The following ZNF185 variants were observed in gnomAD, a reference collection of about 807,000 sequenced individuals.
ZNF185 encodes the protein zinc finger protein 185.
In ZNF185, 56 loss-of-function variants were observed where a neutral mutation model predicts 58.6. The ratio of observed to expected loss-of-function variants is 0.95; its 90% CI spans 0.77 to 1.19. The LOEUF is 1.19. Ranked by LOEUF, ZNF185 falls within the 50% of genes most tolerant of loss-of-function variation. ZNF185 has a pLI of 0.00. For missense variants in ZNF185, 627 were observed against 573.5 expected (o/e 1.09, Z -0.95); for synonymous variants, 230 against 215.9 (o/e 1.07, Z -0.57).
At chrX:152,922,674 A>C (rs782230210) in intron 10 of ZNF185, 46 bp from the exon 12 acceptor site, 1 of 1,108,159 alleles carries the variant, frequency 9.0e-7, no homozygotes, top group Non-Finnish European at 1.2e-6. Context: ...CCCAGGGAGG[A>C]GGCTCTGACA....
chrX:152,926,373 G>A (rs1603226771), intron 11 of ZNF185, among the ~76,000 whole-genome samples: 1 of 112,585 alleles, frequency 8.9e-6, no homozygotes. Context: ...AGTCATAGGC[G>A]TGCTGAGCTG....
At chrX:152,918,775 T>C (rs902333420) in intron 6 of ZNF185, among the ~76,000 whole-genome samples, 5 of 111,361 alleles carry the variant, frequency 4.5e-5, no homozygotes, top group African/African-American at 1.6e-4. Flanking sequence ...CATCCAGGGT[T>C]GGGGAGCTGC....
intron 17 of ZNF185, 127 bp from the exon 20 acceptor site, chrX:152,963,712 C>A: frequency 1.9e-6 from 1 of 522,929 alleles, no homozygotes. Flanking sequence ...GTGAGAAGTT[C>A]CATTTGTTGG....
chrX:152,941,350 G>T (rs1556889191), intron 15 of ZNF185, among the ~76,000 whole-genome samples: 1 of 112,330 alleles, frequency 8.9e-6, no homozygotes, highest in Non-Finnish European at 1.9e-5. Flanking sequence ...CTGGGATGCT[G>T]CCCCACATCC....
At chrX:152,905,820 G>C in the ZNF185 span, among the ~76,000 whole-genome samples, 1 of 105,109 alleles carries the variant, frequency 9.5e-6, no homozygotes, top group East Asian at 2.9e-4. Flanking sequence ...GAGGGGTGGA[G>C]GGACTCCCCT....
intron 14 of ZNF185, among the ~76,000 whole-genome samples, chrX:152,936,929 G>T (rs12556949): frequency 0.21 from 22,769 of 110,433 alleles, 1,869 homozygotes; most frequent in Non-Finnish European, 0.24. Context: ...CAGGAGCACA[G>T]GACCGGTGGC....
intron 15 of ZNF185, among the ~76,000 whole-genome samples, chrX:152,939,561 G>C (rs1324524009): frequency 1.8e-5 from 2 of 111,126 alleles, no homozygotes; most frequent in Non-Finnish European, 3.8e-5. Context: ...ACTTACAGCT[G>C]GTTAACATGG....
At chrX:152,935,149 T>C (rs782770350) in intron 14 of ZNF185, among the ~76,000 whole-genome samples, 1 of 111,264 alleles carries the variant, frequency 9.0e-6, no homozygotes, top group African/African-American at 3.3e-5. Flanking sequence ...CTGAAGTTGG[T>C]TGAATCCACA....
At chrX:152,936,354 G>T (rs1343137390) in intron 14 of ZNF185, 64 bp from the exon 16 acceptor site, 10 of 992,199 alleles carry the variant, frequency 1.0e-5, no homozygotes, top group Middle Eastern at 5.1e-4. Flanking sequence ...CCACTTTCTC[G>T]GGAGAGGGTA....
intron 15 of ZNF185, among the ~76,000 whole-genome samples, chrX:152,938,894 GGCGATCTCCTCTAAA>G (rs1476969206): frequency 3.6e-5 from 3 of 84,344 alleles, no homozygotes; most frequent in Non-Finnish European, 6.8e-5. Context: ...AGGCAACTCA[GGCGATCTCCTCTAAA>G]GAGGAGAAGG....
intron 14 of ZNF185, among the ~76,000 whole-genome samples, chrX:152,933,745 C>T (rs975569181): frequency 7.1e-5 from 8 of 112,586 alleles, no homozygotes; most frequent in South Asian, 3.6e-4. Flanking sequence ...GAGCTACAAC[C>T]GCAAGATATC....
intron 6 of ZNF185, 96 bp from the exon 8 acceptor site, chrX:152,918,887 G>A: frequency 1.6e-6 from 1 of 613,118 alleles, no homozygotes; most frequent in Non-Finnish European, 2.7e-6. Flanking sequence ...CAAAGGCAGA[G>A]ATATTGACTT....
chrX:152,963,993 C>G, intron 18 of ZNF185, 44 bp downstream of exon 20: 1 of 1,138,325 alleles, frequency 8.8e-7, no homozygotes, highest in Non-Finnish European at 1.2e-6. Context: ...TCCTCCGCCA[C>G]TTCCTCCTTG....
chrX:152,931,243 G>A (rs1941916354), intron 12 of ZNF185, among the ~76,000 whole-genome samples: 1 of 111,944 alleles, frequency 8.9e-6, no homozygotes, highest in African/African-American at 3.2e-5. Flanking sequence ...TTTGATAATT[G>A]GCCAATCTGT....
At chrX:152,943,688 C>T (rs1050878900) in intron 15 of ZNF185, among the ~76,000 whole-genome samples, 6 of 113,041 alleles carry the variant, frequency 5.3e-5, no homozygotes, top group African/African-American at 1.9e-4. Context: ...CCATTTGTCC[C>T]TGTGTCACAA....
intron 16 of ZNF185, among the ~76,000 whole-genome samples, chrX:152,950,280 G>C (rs2048174277): frequency 8.9e-6 from 1 of 112,146 alleles, no homozygotes; most frequent in Non-Finnish European, 1.9e-5. Context: ...ATAACCATGA[G>C]ATTTGGGTGC....
chrX:152,941,694 C>A (rs949100722), intron 15 of ZNF185: 20 of 1,163,742 alleles, frequency 1.7e-5, no homozygotes, highest in Non-Finnish European at 2.3e-5. Flanking sequence ...AAAATGCGAC[C>A]GTCCACAAAG....
intron 10 of ZNF185, 116 bp from the exon 12 acceptor site, chrX:152,922,604 G>A: frequency 2.8e-6 from 2 of 707,665 alleles, no homozygotes; most frequent in South Asian, 2.8e-5. Context: ...CACCATGGCA[G>A]TAGCATGCCA....
chrX:152,953,030 C>T (rs1556901419), intron 16 of ZNF185, among the ~76,000 whole-genome samples: 1 of 110,059 alleles, frequency 9.1e-6, no homozygotes, highest in Non-Finnish European at 1.9e-5. Flanking sequence ...AAGTTCTGCA[C>T]ACAGTCGTCA....
Sources: allele counts gnomAD v4.1 joint callset (sites outside exome capture counted in the v4.1 genomes callset), GRCh38; gene constraint gnomAD v4.1.1; transcripts MANE v1.5; gene names NCBI Gene and HGNC (gene_info 2026-07-23, HGNC 2026-07-21).